UMOD: variants seen among roughly 807,000 people sequenced by gnomAD.
UMOD encodes Tamm-Horsfall urinary glycoprotein.
Under a neutral mutation model 66.0 loss-of-function variants are expected in UMOD, and 64 were observed. That is an observed-to-expected ratio of 0.97 (90% CI 0.79 to 1.19). The LOEUF is 1.19. Among genes scored for constraint, UMOD ranks in the 50% most tolerant of loss-of-function variants. The pLI is 0.00. For synonymous variants in UMOD, 398 were observed against 352.7 expected (o/e 1.13, Z -1.44); for missense variants, 764 against 850.9 (o/e 0.90, Z 1.27).
At chr16:20,336,868 C>T (rs1964904102) in intron 8 of UMOD, 141 bp from the exon 9 acceptor site, 3 of 717,112 alleles carry the variant, frequency 4.2e-6, no homozygotes, top group Admixed American at 2.1e-5. Context: ...TACCGGGGCT[C>T]GTGCAGGTCC....
upstream of UMOD, among the ~76,000 whole-genome samples, chr16:20,353,145 G>T (rs1456312871): frequency 3.9e-5 from 6 of 152,140 alleles, no homozygotes; most frequent in Non-Finnish European, 8.8e-5. Context: ...GATGGGAGGT[G>T]CACCTGTCTT....
intron 8 of UMOD, 131 bp from the exon 9 acceptor site, chr16:20,336,858 T>A: frequency 1.3e-6 from 1 of 768,546 alleles, no homozygotes; most frequent in Non-Finnish European, 2.2e-6. Context: ...GAGACCTGTA[T>A]ACCGGGGCTC....
Position 20,333,150 on chromosome 16 carries a change from A to G in UMOD, c.*164T>C. 1.3e-6 allele frequency: 1 copy of G among 742,498 alleles called. No homozygotes were observed. The highest frequency in any genetic ancestry group is 2.4e-6 in the Non-Finnish European group (1 of 422,204). The allele number at this position is 742,498 out of a possible 1,614,324, so 46.0% of individuals were successfully genotyped here. A position where few individuals can be genotyped will look rare whatever the true frequency, so the allele number is the denominator to read the frequency against. ...TTTTGAGAAAAAGCAGCATTTAAAG[A>G]CACAGGCTGTTTCTCGACAGCCAGG... On this transcript the variant is annotated 3_prime_UTR_variant, in exon 11 of 11. Coordinates refer to ENST00000396138, the MANE Select transcript of UMOD (RefSeq NM_003361.4).
intron 6 of UMOD, among the ~76,000 whole-genome samples, 171 bp from the exon 7 acceptor site, chr16:20,341,507 G>A (rs1450824566): frequency 6.6e-6 from 1 of 152,204 alleles, no homozygotes; most frequent in African/African-American, 2.4e-5. Context: ...AGTACACGCA[G>A]GTCAACTTGG....
upstream of UMOD, among the ~76,000 whole-genome samples, chr16:20,353,620 A>G (rs1045350686): frequency 1.3e-5 from 2 of 152,234 alleles, no homozygotes; most frequent in African/African-American, 2.4e-5. Context: ...GCCTGAGTTA[A>G]AACCATGTCT....
rs72776659 is a variant in UMOD, at chr16:20,337,732, G to C, written c.1578-279C>G. On this transcript the variant is annotated intron_variant, in intron 7 of 10. Coordinates refer to ENST00000396138, the MANE Select transcript of UMOD (RefSeq NM_003361.4). ...ATATATTTGATACTAAAGTGAAACT[G>C]TCATCAGTGCAGAGCTGAAACTATC... is the stretch of plus-strand genomic sequence containing the variant. Among the ~76,000 whole-genome samples the C allele has an allele frequency of 0.074, 11,228 of 152,270 alleles. 577 individuals carry two copies. Among genetic ancestry groups the C allele is most frequent in the Non-Finnish European group, 0.11 (7,809 of 68,018 alleles).
Position 20,348,831 on chromosome 16 carries a change from G to T in UMOD, c.470C>A (p.Pro157Gln). ...HCECSPGSCG[P>Q]GLDCVPEGDA... ...GCCCTCGGGCACGCAGTCCAACCCC[G>T]GCCCGCAGGAGCCCGGGGAGCACTC... Residue 157 changes from proline (P) to glutamine (Q), a missense_variant, in exon 3 of 11, where the codon CCG becomes CAG. Pro to Gln is a moderately conservative substitution (Grantham distance 76). Coordinates refer to ENST00000396138, the MANE Select transcript of UMOD (RefSeq NM_003361.4). 1 of 1,546,928 alleles carries T rather than the reference G, an allele frequency of 6.5e-7. No homozygotes were observed.
rs201738891 is a variant in UMOD, at chr16:20,346,177, C to G, written c.1131G>C (p.Trp377Cys). ...CCCGGGCTGGGGTCACTACAGACAC[C>G]CAGTCCCGGTTGTCTCTGTCATTGA... ...SGFNDRDNRD[W>C]VSVVTPARDG... The change falls in exon 5 of 11, where the codon TGG becomes TGC. Residue 377 changes from tryptophan to cysteine, a missense_variant. Trp to Cys is a radical substitution (Grantham distance 215). Transcript: ENST00000396138. The G allele has an allele frequency of 2.5e-5, 41 of 1,614,202 alleles. 1 individual carries two copies. The East Asian group carries it at 8.5e-4, about 33-fold the overall frequency.
At position 20,348,947 on chromosome 16, in the gene UMOD, G is replaced by T; in HGVS notation, c.354C>A (p.Ser118Arg). 1 of 1,573,298 alleles carries T rather than the reference G, an allele frequency of 6.4e-7. No homozygotes were observed. The change falls in exon 3 of 11, where the codon AGC becomes AGA. Residue 118 changes from serine to arginine, a missense_variant. Physicochemically the swap from Ser to Arg is moderately radical, Grantham distance 110 (BLOSUM62 -1). Transcript: ENST00000396138. Reference protein sequence around the residue: ...DVDECAEPGLSHCHALATCVN... With the variant: ...DVDECAEPGLRHCHALATCVN... ...CACATGTGGCCAGGGCGTGGCAGTG[G>T]CTAAGCCCAGGCTCAGCGCACTCAT...
chr16:20,345,502 C>CCCTTCCTT (rs1228147595), intron 5 of UMOD, among the ~76,000 whole-genome samples: 12 of 53,048 alleles, frequency 2.3e-4, no homozygotes, highest in Admixed American at 4.1e-4. Context: ...CTCCCTCCCT[C>CCCTTCCTT]CCTTCCTTCC....
At chr16:20,339,188 A>C (rs920446705) in intron 7 of UMOD, among the ~76,000 whole-genome samples, 13 of 152,382 alleles carry the variant, frequency 8.5e-5, no homozygotes, top group African/African-American at 3.1e-4. Context: ...TGGCAAAGCC[A>C]AGATTTGAAC....
chr16:20,354,454 A>G (rs1488002765), upstream of UMOD, among the ~76,000 whole-genome samples: 1 of 152,238 alleles, frequency 6.6e-6, no homozygotes, highest in East Asian at 1.9e-4. Context: ...CCAAAAGGAT[A>G]AGTGGAAACG....
Position 20,346,148 on chromosome 16 carries a change from C to T in UMOD, c.1160G>A (p.Gly387Asp), listed in dbSNP as rs767354465. ...WVSVVTPARD[G>D]PCGTVLTRNE... is the part of the protein sequence containing the mutation. ...TACCGTCAACACTGTCCCACAGGGG[C>T]CATCCCGGGCTGGGGTCACTACAGA... Residue 387 changes from glycine to aspartate, a missense_variant, in exon 5 of 11, where the codon GGC (glycine) becomes GAC (aspartate). Coordinates refer to ENST00000396138, the MANE Select transcript of UMOD (RefSeq NM_003361.4). 3.7e-6 allele frequency: 6 copies of T among 1,613,932 alleles called. No homozygotes were observed.
Position 20,337,441 on chromosome 16 carries a change from A to G in UMOD, c.1590T>C (p.Thr530=). 2 of 1,614,128 alleles carry G rather than the reference A, an allele frequency of 1.2e-6. No individual in the cohort carries two copies. The highest frequency in any genetic ancestry group is 8.5e-7 in the Non-Finnish European group (1 of 1,180,030). Residue 530 remains threonine, a synonymous_variant, in exon 8 of 11, where the codon ACT becomes ACC. Transcript: ENST00000396138. The part of the protein sequence containing the change: ...YFIIQDRCPH[T]RDSTIQVVEN... ...CCACCACTTGGATAGTTGAGTCTCT[A>G]GTGTGTGGGCATCTGGGAGGGTTAC...
chr16:20,340,615 G>A (rs7198000), intron 7 of UMOD, among the ~76,000 whole-genome samples: 26,930 of 151,748 alleles, frequency 0.18, 2,910 homozygotes, highest in African/African-American at 0.31. Flanking sequence ...GGCTTCACAC[G>A]ACCTGCTAAT....
chr16:20,355,098 G>A (rs1966010551), upstream of UMOD, among the ~76,000 whole-genome samples: 1 of 151,958 alleles, frequency 6.6e-6, no homozygotes, highest in Admixed American at 6.6e-5. Flanking sequence ...CTTTTCCCTT[G>A]CTCTCTTTGC....
intron 6 of UMOD, among the ~76,000 whole-genome samples, chr16:20,343,151 A>ATAAATAAT (rs1555486487): frequency 2.7e-4 from 41 of 151,442 alleles, no homozygotes; most frequent in South Asian, 2.1e-3. Flanking sequence ...AAATAAATAA[A>ATAAATAAT]TAAATAATCA....
intron 5 of UMOD, among the ~76,000 whole-genome samples, chr16:20,345,402 TTC>T (rs1276713366): frequency 2.9e-5 from 3 of 104,184 alleles, no homozygotes; most frequent in South Asian, 6.3e-4. Context: ...TTCTTTTTTT[TTC>T]TTTCTTTCTT....
chr16:20,342,563 G>C (rs943964931), intron 6 of UMOD: 1 of 152,186 alleles, frequency 6.6e-6, no homozygotes, highest in African/African-American at 2.4e-5. Flanking sequence ...GGCTGGCCAA[G>C]AGAGCAGAAA....
Sources: allele counts gnomAD v4.1 joint callset (sites outside exome capture counted in the v4.1 genomes callset), GRCh38; gene constraint gnomAD v4.1.1; transcripts MANE v1.5; gene names NCBI Gene and HGNC (gene_info 2026-07-23, HGNC 2026-07-21).